POU2F1: variants seen among roughly 807,000 people sequenced by gnomAD.
POU2F1 encodes POU domain, class 2, transcription factor 1.
A neutral mutation model predicts 84.9 loss-of-function variants in POU2F1; 16 were observed. The ratio of observed to expected loss-of-function variants is 0.19; its 90% CI spans 0.13 to 0.29. The LOEUF (loss-of-function observed/expected upper bound fraction) is 0.29. Ranked by LOEUF, POU2F1 falls within the 10% of genes least tolerant of loss-of-function variation. The pLI is 1.00. For synonymous variants in POU2F1, 368 were observed against 368.3 expected (o/e 1.00, Z 0.01); for missense variants, 738 against 942.6 (o/e 0.78, Z 2.84).
chr1:167,353,819 G>C (rs1418660366), intron 2 of POU2F1, among the ~76,000 whole-genome samples: 1 of 152,154 alleles, frequency 6.6e-6, no homozygotes, highest in African/African-American at 2.4e-5. Flanking sequence ...TGGCCATAAA[G>C]TAGAATGTTA....
At position 167,328,913 on chromosome 1, in the gene POU2F1, G is replaced by A. The variant is rs187971226; in HGVS notation, c.62-3557G>A. On this transcript the variant is annotated intron_variant, in intron 1 of 15. Coordinates refer to ENST00000367866, the MANE Select transcript of POU2F1 (RefSeq NM_002697.4). Reference sequence around the variant, plus strand: ...GAGATTTGCATAAGGCCCTAATCACGCGCATACTGATTAAGCTTCATTATG... The same window carrying A: ...GAGATTTGCATAAGGCCCTAATCACACGCATACTGATTAAGCTTCATTATG... The A allele has an allele frequency of 8.0e-4, 341 of 426,060 alleles. 3 individuals carry two copies. The highest frequency in any genetic ancestry group is 6.9e-3 in the African/African-American group (322 of 46,382). 26.4% of individuals were successfully genotyped at this position (426,060 alleles called of 1,614,324 possible).
At chr1:167,340,810 CAAT>C (rs1423034470) in intron 2 of POU2F1, among the ~76,000 whole-genome samples, 23 of 152,074 alleles carry the variant, frequency 1.5e-4, no homozygotes, top group Non-Finnish European at 5.9e-5. Flanking sequence ...ATTTTGTTCT[CAAT>C]AAATTTATCT....
intron 1 of POU2F1, among the ~76,000 whole-genome samples, chr1:167,266,704 A>T (rs971801242): frequency 6.6e-6 from 1 of 151,082 alleles, no homozygotes; most frequent in Non-Finnish European, 1.5e-5. Context: ...GCTCACTGCA[A>T]TCTCCACCTG....
chr1:167,295,248 A>T (rs1254994914), intron 1 of POU2F1, among the ~76,000 whole-genome samples: 1 of 152,198 alleles, frequency 6.6e-6, no homozygotes, highest in Non-Finnish European at 1.5e-5. Context: ...TTGCAGCCCA[A>T]TTCACAGTTG....
chr1:167,389,560 C>T (rs1401173725), intron 8 of POU2F1, 28 bp from the exon 9 acceptor site: 1 of 1,611,692 alleles, frequency 6.2e-7, no homozygotes, highest in Non-Finnish European at 8.5e-7. Context: ...ACGTGTTTTT[C>T]CTCATTGTTT....
chr1:167,383,832 T>C (rs1254288087), intron 7 of POU2F1, 25 bp from the exon 8 acceptor site: 2 of 1,574,774 alleles, frequency 1.3e-6, no homozygotes, highest in Admixed American at 1.8e-5. Flanking sequence ...TTAATGTTTC[T>C]GGATAACATG....
chr1:167,358,367 A>T (rs1021887027), intron 2 of POU2F1, among the ~76,000 whole-genome samples: 7 of 151,120 alleles, frequency 4.6e-5, no homozygotes, highest in Admixed American at 3.9e-4. Context: ...TATTTTTCAC[A>T]CTTTATCAGG....
intron 2 of POU2F1, among the ~76,000 whole-genome samples, chr1:167,341,539 G>A (rs1657852858): frequency 6.6e-6 from 1 of 152,112 alleles, no homozygotes; most frequent in Non-Finnish European, 1.5e-5. Flanking sequence ...GACAGGGAGT[G>A]GCTCATATGT....
chr1:167,343,543 A>T (rs546828234), intron 2 of POU2F1, among the ~76,000 whole-genome samples: 9 of 151,842 alleles, frequency 5.9e-5, no homozygotes, highest in African/African-American at 1.4e-4. Flanking sequence ...ATCTTGCTTG[A>T]AGCCAAAAAC....
At position 167,401,530 on chromosome 1, in the gene POU2F1, C is replaced by A; in HGVS notation, c.1529C>A (p.Ala510Asp). The A allele has an allele frequency of 6.2e-7, 1 of 1,609,596 alleles. No individual in the cohort carries two copies. Among genetic ancestry groups the A allele is most frequent in the Non-Finnish European group, 8.5e-7 (1 of 1,178,156 alleles). The change falls in exon 13 of 16, where the codon GCT (alanine) becomes GAT (aspartate). Residue 510 changes from alanine to aspartate, a missense_variant. Ala to Asp is a moderately radical substitution (Grantham distance 126, BLOSUM62 -2). Transcript: ENST00000367866. The stretch of plus-strand genomic sequence containing the variant: ...AGCCCTGTCCTCCCTCTGACCAGTG[C>A]TGCTGTGACGAATCTTTCAGTTACA... ...TVSPVLPLTSAAVTNLSVTGT... is the reference protein window; with the variant it reads ...TVSPVLPLTSDAVTNLSVTGT...
chr1:167,367,091 A>G (rs1468286030), intron 3 of POU2F1, among the ~76,000 whole-genome samples: 1 of 152,086 alleles, frequency 6.6e-6, no homozygotes, highest in East Asian at 1.9e-4. Context: ...ACCCAGACCA[A>G]AGGACTGCAA....
At chr1:167,232,647 A>G (rs886459906) in intron 1 of POU2F1, among the ~76,000 whole-genome samples, 10 of 152,226 alleles carry the variant, frequency 6.6e-5, no homozygotes, top group Non-Finnish European at 1.0e-4. Context: ...GTTCGAGACC[A>G]GCCTGGCCAA....
At chr1:167,315,128 G>A (rs1187431583) in intron 1 of POU2F1, among the ~76,000 whole-genome samples, 3 of 152,178 alleles carry the variant, frequency 2.0e-5, no homozygotes, top group Non-Finnish European at 4.4e-5. Flanking sequence ...ACAGCCTGCG[G>A]AACCTGAGCC....
At chr1:167,316,286 T>G (rs1571286300) in intron 1 of POU2F1, among the ~76,000 whole-genome samples, 1 of 152,204 alleles carries the variant, frequency 6.6e-6, no homozygotes, top group East Asian at 1.9e-4. Flanking sequence ...AATTAATGAA[T>G]GGTACATGGG....
chr1:167,352,487 T>C (rs1042197698), intron 2 of POU2F1, among the ~76,000 whole-genome samples: 5 of 152,190 alleles, frequency 3.3e-5, no homozygotes, highest in African/African-American at 4.8e-5. Flanking sequence ...TCCTTCGTCA[T>C]TGGATGGTTT....
chr1:167,247,098 C>T (rs1650383834), intron 1 of POU2F1, among the ~76,000 whole-genome samples: 1 of 148,000 alleles, frequency 6.8e-6, no homozygotes. Context: ...CTTAAAGAAA[C>T]AGGGTCTCAC....
intron 1 of POU2F1, among the ~76,000 whole-genome samples, chr1:167,269,932 GTA>G (rs1652249292): frequency 2.0e-5 from 3 of 146,534 alleles, no homozygotes; most frequent in East Asian, 2.0e-4. Flanking sequence ...AAAAAAAAGA[GTA>G]AGAGTCGAAC....
intron 4 of POU2F1, among the ~76,000 whole-genome samples, chr1:167,371,133 G>A (rs962365023): frequency 5.3e-5 from 8 of 152,162 alleles, no homozygotes; most frequent in African/African-American, 1.9e-4. Context: ...ACTTTCTGAG[G>A]GAGAGGAGGC....
intron 9 of POU2F1, among the ~76,000 whole-genome samples, chr1:167,390,620 A>C (rs1325001390): frequency 6.6e-6 from 1 of 151,984 alleles, no homozygotes; most frequent in Non-Finnish European, 1.5e-5. Flanking sequence ...CTGTCTCTCC[A>C]AAAAGTAAAT....
Sources: gnomAD v4.1 joint callset for allele counts (sites outside exome capture counted in the v4.1 genomes callset) on GRCh38, gnomAD v4.1.1 for gene constraint, MANE v1.5 for transcripts, NCBI Gene and HGNC (gene_info 2026-07-23, HGNC 2026-07-21) for gene names.